The following CNTNAP2 variants were observed in gnomAD, a reference collection of about 807,000 sequenced individuals.
The protein encoded by CNTNAP2 is contactin associated protein 2.
Under a neutral mutation model 155.2 loss-of-function variants are expected in CNTNAP2, and 98 were observed. The ratio of observed to expected loss-of-function variants is 0.63; its 90% CI spans 0.54 to 0.75. The LOEUF (loss-of-function observed/expected upper bound fraction) is 0.75, where lower values mean the gene tolerates loss of function less well. Among genes scored for constraint, CNTNAP2 ranks in the 30% least tolerant of loss-of-function variants. The probability of loss-of-function intolerance (pLI) is 0.00; values close to 1 mark genes in which losing one functional copy is unlikely to be tolerated. For missense variants in CNTNAP2, 1,727 were observed against 1,688.1 expected, an observed-to-expected ratio of 1.02 and a Z score of -0.40; for synonymous variants, 651 against 631.2, an observed-to-expected ratio of 1.03 and a Z score of -0.47.
At chr7:146,446,801 T>A (rs1796408874) in intron 1 of CNTNAP2, among the ~76,000 whole-genome samples, 1 of 152,072 alleles carries the variant, frequency 6.6e-6, no homozygotes, top group African/African-American at 2.4e-5. Context: ...AGTCCTGCCC[T>A]ACCTCAACAA....
At chr7:146,162,754 A>G (rs554351189) in intron 1 of CNTNAP2, among the ~76,000 whole-genome samples, 3 of 152,350 alleles carry the variant, frequency 2.0e-5, no homozygotes, top group African/African-American at 7.2e-5. Context: ...CTTGGAACCA[A>G]TCCAAATGTC....
chr7:146,246,794 T>C (rs559177511), intron 1 of CNTNAP2, among the ~76,000 whole-genome samples: 2,194 of 152,148 alleles, frequency 0.014, 47 homozygotes, highest in African/African-American at 0.048. Flanking sequence ...GGAGGAATCC[T>C]GGGCTGCAGG....
chr7:146,713,128 G>C (rs1178155771), intron 1 of CNTNAP2, among the ~76,000 whole-genome samples: 2 of 151,948 alleles, frequency 1.3e-5, no homozygotes, highest in African/African-American at 4.8e-5. Context: ...AGTAATGCAA[G>C]AGAGATAAAA....
intron 15 of CNTNAP2, among the ~76,000 whole-genome samples, chr7:148,090,083 A>C (rs1803809581): frequency 6.6e-6 from 1 of 152,034 alleles, no homozygotes; most frequent in Non-Finnish European, 1.5e-5. Flanking sequence ...CTCTCATTTT[A>C]CACCATATAC....
intron 8 of CNTNAP2, among the ~76,000 whole-genome samples, chr7:147,227,549 C>T (rs1222467582): frequency 6.6e-6 from 1 of 152,106 alleles, no homozygotes; most frequent in Non-Finnish European, 1.5e-5. Context: ...AGTGGTTGGA[C>T]TCTGAATACG....
At chr7:147,687,584 C>A (rs1796031300) in intron 13 of CNTNAP2, among the ~76,000 whole-genome samples, 1 of 152,028 alleles carries the variant, frequency 6.6e-6, no homozygotes, top group African/African-American at 2.4e-5. Flanking sequence ...GTCATGAAGA[C>A]CATGCTTCAT....
chr7:146,309,582 A>C (rs980538601), intron 1 of CNTNAP2, among the ~76,000 whole-genome samples: 3 of 152,114 alleles, frequency 2.0e-5, no homozygotes, highest in African/African-American at 7.2e-5. Context: ...CAGGTGGATC[A>C]CCTAAGGTCA....
chr7:147,080,758 T>C lies in CNTNAP2; in HGVS notation c.551-27389T>C, dbSNP rs186362869. ...GTCATTTCAATCCTGAGCTATTTTT[T>C]ATTTTTCTGCCTCATGTCAATTAGA... is the stretch of plus-strand genomic sequence containing the variant. On this transcript the variant is annotated intron_variant, in intron 4 of 23. Transcript: ENST00000361727. 2.9e-4 allele frequency among the ~76,000 whole-genome samples: 43 copies of C among 150,068 alleles called. 1 individual carries two copies. The East Asian group carries it at 7.8e-3, about 27-fold the overall frequency.
At chr7:147,548,076 G>A (rs977818772) in intron 11 of CNTNAP2, among the ~76,000 whole-genome samples, 6 of 152,160 alleles carry the variant, frequency 3.9e-5, no homozygotes, top group African/African-American at 1.4e-4. Context: ...ATGTGTGCAT[G>A]TGTCTTTATA....
intron 14 of CNTNAP2, among the ~76,000 whole-genome samples, chr7:147,958,712 A>T (rs900693053): frequency 3.3e-5 from 5 of 152,322 alleles, no homozygotes; most frequent in African/African-American, 1.2e-4. Context: ...GAGCTGAATT[A>T]TACTACCACA....
In CNTNAP2 at chr7:147,940,422, A is replaced by G. The variant is rs146650873; in HGVS notation, c.2255+36701A>G. 2.0e-5 allele frequency: 3 copies of G among 152,256 alleles called. No homozygotes were observed. In the East Asian group the frequency reaches 5.8e-4, roughly 29 times the overall value. The allele number at this position is 152,256 out of a possible 1,614,324, so 9.4% of individuals were successfully genotyped here. A position where few individuals can be genotyped will look rare whatever the true frequency, so the allele number is the denominator to read the frequency against. On this transcript the variant is annotated intron_variant, in intron 14 of 23. Coordinates refer to ENST00000361727, the MANE Select transcript of CNTNAP2 (RefSeq NM_014141.6). Reference sequence around the variant, plus strand: ...AAAAATAAAAAGCAGAGTAAAACTTACAGAGCAATGGTAGATACAATACGA... The same window carrying G: ...AAAAATAAAAAGCAGAGTAAAACTTGCAGAGCAATGGTAGATACAATACGA...
At chr7:146,622,587 C>G (rs541825813) in intron 1 of CNTNAP2, among the ~76,000 whole-genome samples, 8 of 152,204 alleles carry the variant, frequency 5.3e-5, no homozygotes, top group Middle Eastern at 3.4e-3. Context: ...CTATAATCAA[C>G]TATAATCAAT....
intron 13 of CNTNAP2, among the ~76,000 whole-genome samples, chr7:147,828,208 A>G (rs1798491337): frequency 6.6e-6 from 1 of 152,194 alleles, no homozygotes; most frequent in South Asian, 2.1e-4. Flanking sequence ...GCTACTTACT[A>G]TCTCTGGAAC....
intron 21 of CNTNAP2, among the ~76,000 whole-genome samples, chr7:148,347,732 C>T (rs1260897783): frequency 6.6e-6 from 1 of 152,082 alleles, no homozygotes; most frequent in African/African-American, 2.4e-5. Context: ...AGCTCAGAGA[C>T]CAACATAGAG....
rs769108523 is a variant in CNTNAP2, at chr7:148,172,252, G to A, written c.2784G>A (p.Gly928=). 3.1e-6 allele frequency: 5 copies of A among 1,613,786 alleles called. No individual in the cohort carries two copies. In the South Asian group the frequency reaches 5.5e-5, roughly 18 times the overall value. Residue 928 remains glycine, a synonymous_variant, in exon 18 of 24, where the codon GGG becomes GGA. Coordinates refer to ENST00000361727, the MANE Select transcript of CNTNAP2 (RefSeq NM_014141.6). ...TTCTGTCATTCCCAGGTGGTGCTGG[G>A]GGCCAGCAGGGCTTCCTGGGCTGCA... ...LYSQLFVGGA[G]GQQGFLGCIR...
chr7:148,220,948 G>A (rs946408410), intron 19 of CNTNAP2, among the ~76,000 whole-genome samples: 17 of 152,088 alleles, frequency 1.1e-4, no homozygotes, highest in African/African-American at 3.6e-4. Flanking sequence ...CTCCCCAGGA[G>A]GAGGGCTCTC....
rs75321587 is a variant in CNTNAP2, at chr7:146,820,088, A to G, written c.209-19623A>G. 3.8e-3 allele frequency among the ~76,000 whole-genome samples: 584 copies of G among 152,334 alleles called. 6 individuals are homozygous for G. Among genetic ancestry groups the G allele is most frequent in the African/African-American group, 0.013 (560 of 41,590 alleles). Reference sequence around the variant, plus strand: ...TAAATAGATATTTCGAGCAGTGCTCATTGAGGTATGTAGAGCATCTCATGC... The same window carrying G: ...TAAATAGATATTTCGAGCAGTGCTCGTTGAGGTATGTAGAGCATCTCATGC... On this transcript the variant is annotated intron_variant, in intron 2 of 23. Transcript: ENST00000361727.
intron 8 of CNTNAP2, among the ~76,000 whole-genome samples, chr7:147,289,444 T>A (rs1365569036): frequency 1.8e-4 from 24 of 134,630 alleles, no homozygotes; most frequent in South Asian, 4.7e-4. Context: ...GAGTGAGAAA[T>A]AAAGAGGAAA....
At chr7:147,759,277 G>T (rs1423369620) in intron 13 of CNTNAP2, among the ~76,000 whole-genome samples, 2 of 152,106 alleles carry the variant, frequency 1.3e-5, no homozygotes, top group Non-Finnish European at 2.9e-5. Flanking sequence ...TCTGCAGCCT[G>T]TTTCTCCAGA....
Sources: gnomAD v4.1 joint callset for allele counts (sites outside exome capture counted in the v4.1 genomes callset) on GRCh38, gnomAD v4.1.1 for gene constraint, MANE v1.5 for transcripts, NCBI Gene and HGNC (gene_info 2026-07-23, HGNC 2026-07-21) for gene names.